Variants in CHAMP1 observed in about 807,000 individuals in gnomAD.
The protein encoded by CHAMP1 is chromosome alignment maintaining phosphoprotein 1.
CHAMP1 carries 4 observed loss-of-function variants against 54.5 expected under a neutral mutation model. The observed-to-expected ratio is 0.07, with a 90% CI of 0.04 to 0.17. CHAMP1 has a LOEUF of 0.17. Among genes scored for constraint, CHAMP1 ranks in the 10% least tolerant of loss-of-function variants. The pLI, the probability that CHAMP1 is intolerant of heterozygous loss-of-function variation, is 1.00. For synonymous variants in CHAMP1, 368 were observed against 342.2 expected (o/e 1.08, Z -0.83); for missense variants, 994 against 968.6 (o/e 1.03, Z -0.35).
chr13:114,315,613 G>A (rs545206459), intron 1 of CHAMP1, among the ~76,000 whole-genome samples: 1 of 152,132 alleles, frequency 6.6e-6, no homozygotes, highest in African/African-American at 2.4e-5. Flanking sequence ...ATTATGTTGA[G>A]TGAAATAAGA....
At chr13:114,321,795 T>G (rs1238415976) in intron 2 of CHAMP1, among the ~76,000 whole-genome samples, 1 of 152,212 alleles carries the variant, frequency 6.6e-6, no homozygotes, top group Non-Finnish European at 1.5e-5. Flanking sequence ...TTATTTATTT[T>G]TCTTTTGTTA....
chr13:114,316,923 CTG>C (rs1476982260), intron 1 of CHAMP1, among the ~76,000 whole-genome samples: 1 of 152,164 alleles, frequency 6.6e-6, no homozygotes, highest in Non-Finnish European at 1.5e-5. Flanking sequence ...GTAGGAAAAA[CTG>C]GGGACAAGAA....
In CHAMP1 at chr13:114,324,364, T is replaced by G; in HGVS notation, c.522T>G (p.Pro174=). Reference sequence around the variant, plus strand: ...AGCTACAGACACCTCTTCCTTCTCCTGAGCCTTCAAAACCTGCCTCTGTTT... The same window carrying G: ...AGCTACAGACACCTCTTCCTTCTCCGGAGCCTTCAAAACCTGCCTCTGTTT... ...SPELQTPLPS[P]EPSKPASVSS... The change falls in exon 3 of 3, where the codon CCT becomes CCG. Residue 174 remains proline (P), a synonymous_variant. Coordinates refer to ENST00000361283, the MANE Select transcript of CHAMP1 (RefSeq NM_032436.4). 1 of 1,614,044 alleles carries G rather than the reference T, an allele frequency of 6.2e-7. No individual in the cohort carries two copies. Among genetic ancestry groups the G allele is most frequent in the Non-Finnish European group, 8.5e-7 (1 of 1,179,950 alleles).
rs781930727 is a variant in CHAMP1 at position 114,325,744 on chromosome 13, T to C, written c.1902T>C (p.Ser634=). ...GCTCAGACGCTGAGCTTAGTAGTAG[T>C]GAGTACATAAAAACAGATTTGGATG... ...QESSDAELSS[S]EYIKTDLDAM... Residue 634 remains serine (S), a synonymous_variant, in exon 3 of 3, where the codon AGT becomes AGC. Coordinates refer to ENST00000361283, the MANE Select transcript of CHAMP1 (RefSeq NM_032436.4). 1 of 1,614,046 alleles carries C rather than the reference T, an allele frequency of 6.2e-7. No individual in the cohort carries two copies.
At chr13:114,318,144 C>T (rs1281109100) in intron 1 of CHAMP1, among the ~76,000 whole-genome samples, 1 of 152,166 alleles carries the variant, frequency 6.6e-6, no homozygotes, top group Non-Finnish European at 1.5e-5. Flanking sequence ...TTTGTTACAG[C>T]AGAGACCAGA....
At chr13:114,317,737 A>G (rs982843332) in intron 1 of CHAMP1, among the ~76,000 whole-genome samples, 3 of 152,324 alleles carry the variant, frequency 2.0e-5, no homozygotes, top group Middle Eastern at 6.8e-3. Context: ...TTAAAAAACT[A>G]TGCATCAGAT....
rs1314362567 is a variant in CHAMP1 at position 114,326,881 on chromosome 13, C to T, written c.*600C>T. 12 of 166,960 alleles carry T rather than the reference C, an allele frequency of 7.2e-5. No individual in the cohort carries two copies. In the Admixed American group the frequency reaches 7.2e-4, roughly 10 times the overall value. 10.3% of individuals were successfully genotyped at this position (166,960 alleles called of 1,614,324 possible). A position where few individuals can be genotyped will look rare whatever the true frequency, so the allele number is the denominator to read the frequency against. ...ACTAAGTCTTTAAAATAGTTTGCAG[C>T]CTTCTCCCACAGGAGACAAGTGAAA... On this transcript the variant is annotated 3_prime_UTR_variant, in exon 3 of 3. Transcript: ENST00000361283.
intron 1 of CHAMP1, among the ~76,000 whole-genome samples, chr13:114,316,626 A>T (rs116875584): frequency 2.0e-5 from 3 of 152,222 alleles, no homozygotes; most frequent in Non-Finnish European, 4.4e-5. Context: ...CTCCTTGTGT[A>T]AACTATAGAC....
In CHAMP1 at chr13:114,324,338, G is replaced by A. The variant is rs1555379433; in HGVS notation, c.496G>A (p.Glu166Lys). 2 of 1,614,076 alleles carry A rather than the reference G, an allele frequency of 1.2e-6. No individual in the cohort carries two copies. The highest frequency in any genetic ancestry group is 2.2e-5 in the South Asian group (2 of 91,076). ...GAAACCTGGCTCTGTTGTTTCTCCT[G>A]AGCTACAGACACCTCTTCCTTCTCC... ...PQKPGSVVSP[E>K]LQTPLPSPEP... The change falls in exon 3 of 3, where the codon GAG becomes AAG. Residue 166 changes from glutamate (E) to lysine (K), a missense_variant. Coordinates refer to ENST00000361283, the MANE Select transcript of CHAMP1 (RefSeq NM_032436.4).
rs782083386 is a variant in CHAMP1, at chr13:114,323,926, T to C, written c.84T>C (p.Asn28=). The change falls in exon 3 of 3, where the codon AAT becomes AAC. Residue 28 remains asparagine, a synonymous_variant. Transcript: ENST00000361283. ...HCSFRGTDYE[N]VQIHMGTIHP... ...GTTTCAGAGGCACAGACTATGAAAA[T>C]GTACAAATCCATATGGGTACCATCC... 9 of 1,614,146 alleles carry C rather than the reference T, an allele frequency of 5.6e-6. No individual in the cohort carries two copies. The highest frequency in any genetic ancestry group is 7.6e-6 in the Non-Finnish European group (9 of 1,180,022).
At chr13:114,315,546 A>G (rs2087086200) in intron 1 of CHAMP1, among the ~76,000 whole-genome samples, 1 of 152,232 alleles carries the variant, frequency 6.6e-6, no homozygotes, top group African/African-American at 2.4e-5. Flanking sequence ...TGAAATTCTG[A>G]TACATGCTGC....
rs575226907 is a variant in CHAMP1, at chr13:114,327,285, G to C, written c.*1004G>C. 3 of 158,150 alleles carry C rather than the reference G, an allele frequency of 1.9e-5. No homozygotes were observed. In the East Asian group the frequency reaches 5.8e-4, roughly 30 times the overall value. The allele number at this position is 158,150 out of a possible 1,614,324, so 9.8% of individuals were successfully genotyped here. ...TTTATTCTAAAATATTTTGTCAAAT[G>C]TGTATCAACCAAATTAAAAAGAAAG... On this transcript the variant is annotated 3_prime_UTR_variant, in exon 3 of 3. Coordinates refer to ENST00000361283, the MANE Select transcript of CHAMP1 (RefSeq NM_032436.4).
rs183940032 is a variant in CHAMP1, at chr13:114,321,808, G to A, written c.-56+576G>A. Among the ~76,000 whole-genome samples, 276 of 152,144 alleles carry A rather than the reference G, an allele frequency of 1.8e-3. 3 individuals are homozygous for A. The highest frequency in any genetic ancestry group is 3.4e-3 in the Non-Finnish European group (230 of 68,002). On this transcript the variant is annotated intron_variant, in intron 2 of 2. Coordinates refer to ENST00000361283, the MANE Select transcript of CHAMP1 (RefSeq NM_032436.4). Reference sequence around the variant, plus strand: ...AATTATTTATTTTTCTTTTGTTACAGTCCTGGCCCCAAAACAGTTTTCTAA... The same window carrying A: ...AATTATTTATTTTTCTTTTGTTACAATCCTGGCCCCAAAACAGTTTTCTAA...
chr13:114,319,322 C>T (rs187625412), intron 1 of CHAMP1, among the ~76,000 whole-genome samples: 57 of 152,204 alleles, frequency 3.7e-4, no homozygotes, highest in Admixed American at 5.9e-4. Flanking sequence ...ACTTAGGTTT[C>T]CTCTAGTTTT....
chr13:114,320,955 C>CAAAAAAAAAAAAAAAAAAAAA (rs1233050968), intron 1 of CHAMP1, among the ~76,000 whole-genome samples, 155 bp from the exon 2 acceptor site: 6 of 122,462 alleles, frequency 4.9e-5, no homozygotes, highest in African/African-American at 1.9e-4. Context: ...GACTCTGTCT[C>CAAAAAAAAAAAAAAAAAAAAA]AAAAAAAAAA....
intron 2 of CHAMP1, among the ~76,000 whole-genome samples, chr13:114,321,594 A>G (rs148800299): frequency 7.2e-6 from 1 of 139,496 alleles, no homozygotes; most frequent in Non-Finnish European, 1.5e-5. Context: ...TTGGCTGTTC[A>G]TTATTGCCAG....
chr13:114,317,922 C>T (rs1228666955), intron 1 of CHAMP1, among the ~76,000 whole-genome samples: 1 of 152,104 alleles, frequency 6.6e-6, no homozygotes, highest in Non-Finnish European at 1.5e-5. Context: ...TGTAATCTGT[C>T]TCAAAGACAA....
rs2087257830 is a variant in CHAMP1, at chr13:114,326,874, T to G, written c.*593T>G. On this transcript the variant is annotated 3_prime_UTR_variant, in exon 3 of 3. Coordinates refer to ENST00000361283, the MANE Select transcript of CHAMP1 (RefSeq NM_032436.4). ...AAAATTGACTAAGTCTTTAAAATAG[T>G]TTGCAGCCTTCTCCCACAGGAGACA... 6.0e-6 allele frequency: 1 copy of G among 166,928 alleles called. No individual in the cohort carries two copies. 10.3% of individuals were successfully genotyped at this position (166,928 alleles called of 1,614,324 possible). A position where few individuals can be genotyped will look rare whatever the true frequency, so the allele number is the denominator to read the frequency against.
chr13:114,319,776 T>C lies in CHAMP1; in HGVS notation c.-178-1334T>C, dbSNP rs74118706. 4.1e-3 allele frequency among the ~76,000 whole-genome samples: 631 copies of C among 152,314 alleles called. 5 individuals carry two copies. The highest frequency in any genetic ancestry group is 0.015 in the African/African-American group (611 of 41,566). On this transcript the variant is annotated intron_variant, in intron 1 of 2. Coordinates refer to ENST00000361283, the MANE Select transcript of CHAMP1 (RefSeq NM_032436.4). Reference sequence around the variant, plus strand: ...AGACAGCTGACTTAAAAAGCTGTCCTGCCTGAAGGATGAAGGAGTTTGCCT... The same window carrying C: ...AGACAGCTGACTTAAAAAGCTGTCCCGCCTGAAGGATGAAGGAGTTTGCCT...
Sources: allele counts gnomAD v4.1 joint callset (sites outside exome capture counted in the v4.1 genomes callset), GRCh38; gene constraint gnomAD v4.1.1; transcripts MANE v1.5; gene names NCBI Gene and HGNC (gene_info 2026-07-23, HGNC 2026-07-21).